The following PRDM10 variants were observed in gnomAD, a reference collection of about 807,000 sequenced individuals.
PRDM10 encodes PR domain zinc finger protein 10.
A neutral mutation model predicts 133.1 loss-of-function variants in PRDM10; 65 were observed. The observed-to-expected ratio is 0.49, with a 90% CI of 0.40 to 0.60. The LOEUF (loss-of-function observed/expected upper bound fraction) is 0.60, where lower values mean the gene tolerates loss of function less well. PRDM10 is among the 20% of genes least tolerant of loss of function. The pLI, the probability that PRDM10 is intolerant of heterozygous loss-of-function variation, is 0.00. For missense variants in PRDM10, 1,137 were observed against 1,507.1 expected (o/e 0.75, Z 4.07); for synonymous variants, 582 against 580.4 (o/e 1.00, Z -0.04).
At chr11:129,946,909 C>A (rs925054298) in intron 5 of PRDM10, among the ~76,000 whole-genome samples, 2 of 152,244 alleles carry the variant, frequency 1.3e-5, no homozygotes, top group South Asian at 4.1e-4. Context: ...TGACCCCCAG[C>A]GAGCTTCCCA....
chr11:129,944,831 G>A lies in PRDM10; in HGVS notation c.702C>T (p.Gly234=), dbSNP rs756046071. The change falls in exon 6 of 21, where the codon GGC becomes GGT. Residue 234 remains glycine, a synonymous_variant. Transcript: ENST00000360871. Reference sequence around the variant, plus strand: ...CCCTGACGAGAGGCCCCTCCACGGGGCCAAACTGGGTGCGCTTGGGGATGC... The same window carrying A: ...CCCTGACGAGAGGCCCCTCCACGGGACCAAACTGGGTGCGCTTGGGGATGC... ...KRRIPKRTQF[G]PVEGPLVRGS... The A allele has an allele frequency of 4.3e-6, 7 of 1,614,162 alleles. No individual in the cohort carries two copies. The Admixed American group carries it at 1.2e-4, about 27-fold the overall frequency.
chr11:129,931,000 G>A lies in PRDM10; in HGVS notation c.1530+16C>T, dbSNP rs375600493. 29 of 1,585,700 alleles carry A rather than the reference G, an allele frequency of 1.8e-5. No homozygotes were observed. In the African/African-American group the frequency reaches 3.5e-4, roughly 19 times the overall value. ...TGAGCGGCTGGTGCCAGGAGCCGCCGGCTTTCCCCACTTACTCGGATGCGC... is the reference window on the plus strand; with the variant it reads ...TGAGCGGCTGGTGCCAGGAGCCGCCAGCTTTCCCCACTTACTCGGATGCGC... On this transcript the variant is annotated intron_variant, in intron 11 of 20. Coordinates refer to ENST00000360871, the MANE Select transcript of PRDM10 (RefSeq NM_199437.2).
At chr11:129,965,977 C>T (rs1195356936) in intron 1 of PRDM10, among the ~76,000 whole-genome samples, 1 of 152,140 alleles carries the variant, frequency 6.6e-6, no homozygotes, top group East Asian at 1.9e-4. Context: ...GGCACAGTGG[C>T]TCATACCTGT....
intron 17 of PRDM10, among the ~76,000 whole-genome samples, chr11:129,913,002 G>A (rs1950237693): frequency 6.6e-6 from 1 of 151,596 alleles, no homozygotes; most frequent in Admixed American, 6.6e-5. Flanking sequence ...AGAGGTTGCA[G>A]TGAGCTGAAT....
intron 4 of PRDM10, among the ~76,000 whole-genome samples, chr11:129,953,371 G>A (rs1382579064): frequency 6.6e-6 from 1 of 151,878 alleles, no homozygotes; most frequent in Non-Finnish European, 1.5e-5. Context: ...TCGGCTCACT[G>A]CAACCTCCAA....
In PRDM10 at chr11:129,914,964, T is replaced by C; in HGVS notation, c.2581A>G (p.Asn861Asp). 6.2e-7 allele frequency: 1 copy of C among 1,611,738 alleles called. No homozygotes were observed. Residue 861 changes from asparagine to aspartate, a missense_variant, in exon 17 of 21, where the codon AAC becomes GAC. Coordinates refer to ENST00000360871, the MANE Select transcript of PRDM10 (RefSeq NM_199437.2). ...KKHPEFAQLSNTIHTPLTTAV... is the reference protein window; with the variant it reads ...KKHPEFAQLSDTIHTPLTTAV... ...GTCGTCAGTGGTGTGTGTATGGTGTTGGAGAGCTGGGCGAACTCTGGATGC... is the reference window on the plus strand; with the variant it reads ...GTCGTCAGTGGTGTGTGTATGGTGTCGGAGAGCTGGGCGAACTCTGGATGC...
intron 1 of PRDM10, among the ~76,000 whole-genome samples, chr11:129,967,110 G>A (rs530990903): frequency 6.6e-6 from 1 of 152,346 alleles, no homozygotes; most frequent in South Asian, 2.1e-4. Context: ...CACTTGTGAA[G>A]CCGGGCGCGG....
At chr11:129,937,488 A>G (rs1472956038) in intron 8 of PRDM10, 110 bp downstream of exon 8, 6 of 888,338 alleles carry the variant, frequency 6.8e-6, no homozygotes, top group Non-Finnish European at 9.9e-6. Flanking sequence ...ACCTACTGGA[A>G]TAACTTCTGA....
At chr11:129,956,365 C>T (rs1280935135) in intron 3 of PRDM10, among the ~76,000 whole-genome samples, 1 of 152,140 alleles carries the variant, frequency 6.6e-6, no homozygotes, top group Non-Finnish European at 1.5e-5. Flanking sequence ...GTCAGGAGAT[C>T]GAGACCTGGC....
Position 129,947,429 on chromosome 11 carries a change from G to A in PRDM10, c.295-59C>T. 1 of 1,603,906 alleles carries A rather than the reference G, an allele frequency of 6.2e-7. No homozygotes were observed. Among genetic ancestry groups the A allele is most frequent in the Non-Finnish European group, 8.5e-7 (1 of 1,171,940 alleles). ...CATGGACACCTGCTTTTGGTTCGCT[G>A]GTGCCTGCTGGCACAAACAGGGCGC... On this transcript the variant is annotated intron_variant, in intron 4 of 20. Coordinates refer to ENST00000360871, the MANE Select transcript of PRDM10 (RefSeq NM_199437.2). This position sits in a 1 kb window ranked among gnomAD's most constrained non-coding sequence, Gnocchi z 4.6.
chr11:129,953,572 G>A (rs973913755), intron 4 of PRDM10, among the ~76,000 whole-genome samples: 4 of 152,160 alleles, frequency 2.6e-5, no homozygotes, highest in Non-Finnish European at 2.9e-5. Context: ...GGGATTACAG[G>A]TGCCTGGCCA....
At chr11:129,910,688 T>G (rs1394304598) in intron 18 of PRDM10, 32 bp from the exon 19 acceptor site, 7 of 1,479,270 alleles carry the variant, frequency 4.7e-6, no homozygotes, top group Non-Finnish European at 6.3e-6. Context: ...TGGTAGGGAA[T>G]TACGAGCTTC....
In PRDM10 at chr11:129,923,643, TGAGAGAGA is replaced by T. The variant is rs57429782; in HGVS notation, c.1879-248_1879-241del. ...CGAACCTCCCCGATGACTTGAAACGTGAGAGAGAGAGAGAGAGAGAGAGAGAGAGAGAG... is the reference window on the plus strand; with the variant it reads ...CGAACCTCCCCGATGACTTGAAACGTGAGAGAGAGAGAGAGAGAGAGAGAG... On this transcript the variant is annotated intron_variant, in intron 12 of 20. Transcript: ENST00000360871. This position sits in a 1 kb window ranked among gnomAD's most constrained non-coding sequence, Gnocchi z 4.4. 6.4e-3 allele frequency among the ~76,000 whole-genome samples: 424 copies of T among 65,882 alleles called. 2 individuals are homozygous for T. Among genetic ancestry groups the T allele is most frequent in the Admixed American group, 9.6e-3 (46 of 4,782 alleles). The allele number at this position is 65,882 out of a possible 152,430, so 43.2% of individuals were successfully genotyped here.
At chr11:129,972,305 C>T (rs1328527397) in intron 1 of PRDM10, among the ~76,000 whole-genome samples, 3 of 152,250 alleles carry the variant, frequency 2.0e-5, no homozygotes, top group East Asian at 1.9e-4. Context: ...CCTCAAGTGC[C>T]GCCCAAGTGG....
At chr11:130,001,949 TGCGGGCCG>T (rs1939416385) in intron 1 of PRDM10, among the ~76,000 whole-genome samples, 2 of 150,434 alleles carry the variant, frequency 1.3e-5, no homozygotes, top group African/African-American at 4.9e-5. Context: ...CCCACACCCC[TGCGGGCCG>T]GCCCCCCGCC....
chr11:129,981,653 T>C lies in PRDM10; in HGVS notation c.-118-20571A>G, dbSNP rs142357357. Among the ~76,000 whole-genome samples the C allele has an allele frequency of 4.0e-3, 608 of 151,898 alleles. 7 individuals carry two copies. The highest frequency in any genetic ancestry group is 0.014 in the African/African-American group (580 of 41,406). ...CCTCATGACTGCAATCCCAGCACTTTGGGAGGCCGAGGTGGGTAGATCACC... is the reference window on the plus strand; with the variant it reads ...CCTCATGACTGCAATCCCAGCACTTCGGGAGGCCGAGGTGGGTAGATCACC... On this transcript the variant is annotated intron_variant, in intron 1 of 20. Coordinates refer to ENST00000360871, the MANE Select transcript of PRDM10 (RefSeq NM_199437.2).
intron 13 of PRDM10, among the ~76,000 whole-genome samples, chr11:129,920,715 T>G (rs1950499674): frequency 2.0e-5 from 3 of 151,904 alleles, no homozygotes; most frequent in South Asian, 2.1e-4. Flanking sequence ...TTTCCCTAGC[T>G]GGCAAACTGT....
rs1475604846 is a variant in PRDM10 at position 129,925,166 on chromosome 11, C to G, written c.1594G>C (p.Gly532Arg). 5.0e-6 allele frequency: 8 copies of G among 1,614,148 alleles called. No homozygotes were observed. In the South Asian group the frequency reaches 8.8e-5, roughly 18 times the overall value. Residue 532 changes from glycine to arginine, a missense_variant, in exon 12 of 21, where the codon GGG becomes CGG. Gly to Arg is a moderately radical substitution (Grantham distance 125). Coordinates refer to ENST00000360871, the MANE Select transcript of PRDM10 (RefSeq NM_199437.2). ...TTGTCCTTTTCCCGGAAGGCCTTCC[C>G]ACACTGCAAGCATTTAAAAGGCCGG... ...SFRPFKCLQC[G>R]KAFREKDKLD...
intron 14 of PRDM10, among the ~76,000 whole-genome samples, chr11:129,917,956 C>T (rs1950408341): frequency 6.6e-6 from 1 of 152,060 alleles, no homozygotes; most frequent in East Asian, 1.9e-4. Context: ...AATGGTGAAA[C>T]CCCGTGTCTA....
Sources: gnomAD v4.1 joint callset for allele counts (sites outside exome capture counted in the v4.1 genomes callset) on GRCh38, gnomAD v4.1.1 for gene constraint, Gnocchi (gnomAD v3.1) non-coding constraint, MANE v1.5 for transcripts, NCBI Gene and HGNC (gene_info 2026-07-23, HGNC 2026-07-21) for gene names.